SLC12A2: variants seen among roughly 807,000 people sequenced by gnomAD.
The protein encoded by SLC12A2 is solute carrier family 12 member 2, also known as Na-K-2Cl cotransporter 1.
SLC12A2 carries 67 observed loss-of-function variants against 136.3 expected under a neutral mutation model. The observed-to-expected ratio is 0.49, with a 90% CI of 0.40 to 0.60. The LOEUF (loss-of-function observed/expected upper bound fraction) is 0.60. Among genes scored for constraint, SLC12A2 ranks in the 20% least tolerant of loss-of-function variants. The probability of loss-of-function intolerance (pLI) is 0.00; values close to 1 mark genes in which losing one functional copy is unlikely to be tolerated. For missense variants in SLC12A2, 1,322 were observed against 1,534.7 expected (o/e 0.86, Z 2.32); for synonymous variants, 619 against 562.9 (o/e 1.10, Z -1.41).
At chr5:128,100,387 A>T (rs1273262582) in intron 1 of SLC12A2, among the ~76,000 whole-genome samples, 4 of 152,164 alleles carry the variant, frequency 2.6e-5, no homozygotes, top group Non-Finnish European at 4.4e-5. Context: ...CCAAAATCTA[A>T]AACTTTTTGA....
At chr5:128,122,791 A>G (rs1761638446) in intron 4 of SLC12A2, among the ~76,000 whole-genome samples, 1 of 152,100 alleles carries the variant, frequency 6.6e-6, no homozygotes, top group Non-Finnish European at 1.5e-5. Context: ...CCATTGTGTA[A>G]CTATTAGTTC....
At chr5:128,128,806 A>T (rs1245118477) in intron 4 of SLC12A2, among the ~76,000 whole-genome samples, 1 of 97,534 alleles carries the variant, frequency 1.0e-5, no homozygotes, top group African/African-American at 6.4e-5. Flanking sequence ...GTAGATCTTT[A>T]AAAAAAAAAA....
At chr5:128,145,737 T>A (rs150157474) in intron 10 of SLC12A2, among the ~76,000 whole-genome samples, 1 of 152,020 alleles carries the variant, frequency 6.6e-6, no homozygotes, top group African/African-American at 2.4e-5. Flanking sequence ...ACTTATGCAT[T>A]GTGGACAGGG....
At chr5:128,136,880 A>G (rs1762208346) in intron 7 of SLC12A2, among the ~76,000 whole-genome samples, 1 of 152,152 alleles carries the variant, frequency 6.6e-6, no homozygotes, top group South Asian at 2.1e-4. Flanking sequence ...AAACATAAAT[A>G]TATATCCAAC....
chr5:128,120,155 T>C (rs375669328), intron 4 of SLC12A2, among the ~76,000 whole-genome samples: 2 of 151,930 alleles, frequency 1.3e-5, no homozygotes, highest in Non-Finnish European at 2.9e-5. Flanking sequence ...AAAACCACAA[T>C]GAGATACCAT....
At chr5:128,128,825 T>C (rs1290827623) in intron 4 of SLC12A2, among the ~76,000 whole-genome samples, 1 of 150,272 alleles carries the variant, frequency 6.7e-6, no homozygotes, top group Non-Finnish European at 1.5e-5. Context: ...AAAAAACCTC[T>C]AGGAAATAGG....
intron 13 of SLC12A2, among the ~76,000 whole-genome samples, chr5:128,150,847 A>T (rs187365675): frequency 2.6e-5 from 4 of 152,024 alleles, no homozygotes; most frequent in Admixed American, 6.5e-5. Flanking sequence ...TATTCATTAG[A>T]CTATGGATAT....
Position 128,112,801 on chromosome 5 carries a change from T to G in SLC12A2, c.757-13T>G. Reference sequence around the variant, plus strand: ...AAATGTTAAGCATAATTCATATTTCTTTTTATAACCAGGAACCTTTTGAGG... The same window carrying G: ...AAATGTTAAGCATAATTCATATTTCGTTTTATAACCAGGAACCTTTTGAGG... On this transcript the variant is annotated splice_polypyrimidine_tract_variant and intron_variant, in intron 1 of 26. Coordinates refer to ENST00000262461, the MANE Select transcript of SLC12A2 (RefSeq NM_001046.3). 6.3e-7 allele frequency: 1 copy of G among 1,586,146 alleles called. No homozygotes were observed.
intron 18 of SLC12A2, among the ~76,000 whole-genome samples, chr5:128,171,466 G>A (rs928355122): frequency 6.6e-6 from 1 of 152,130 alleles, no homozygotes; most frequent in Admixed American, 6.5e-5. Context: ...TAGTTTTCAA[G>A]GGTATTACAG....
chr5:128,084,025 C>A lies in SLC12A2; in HGVS notation c.71C>A (p.Ala24Asp). 7.9e-7 allele frequency: 1 copy of A among 1,262,958 alleles called. No homozygotes were observed. Among genetic ancestry groups the A allele is most frequent in the Non-Finnish European group, 9.9e-7 (1 of 1,006,606 alleles). 78.2% of individuals were successfully genotyped at this position (1,262,958 alleles called of 1,614,324 possible). A position where few individuals can be genotyped will look rare whatever the true frequency, so the allele number is the denominator to read the frequency against. ...GCCGGGGTCGGGGAGACGCCGTCAG[C>A]CGCTGCGCTGGCCGCAGCCAGGGTG... The part of the protein sequence containing the change: ...GLAGVGETPS[A>D]AALAAARVEL... Residue 24 changes from alanine (A) to aspartate (D), a missense_variant, in exon 1 of 27, where the codon GCC (alanine) becomes GAC (aspartate). Ala to Asp is a moderately radical substitution (Grantham distance 126, BLOSUM62 -2). This residue lies in a region of SLC12A2 where 358 missense variants were observed against 299.7 expected (regional missense o/e 1.19). Coordinates refer to ENST00000262461, the MANE Select transcript of SLC12A2 (RefSeq NM_001046.3). The surrounding 1 kb of genome is among the most constrained non-coding windows in gnomAD (Gnocchi z 5.6).
intron 11 of SLC12A2, among the ~76,000 whole-genome samples, chr5:128,148,533 G>A (rs1052560327): frequency 6.6e-6 from 1 of 151,720 alleles, no homozygotes; most frequent in African/African-American, 2.4e-5. Context: ...TCAACATGGG[G>A]ATAGGGTAAG....
At chr5:128,161,016 C>G (rs1203862360) in intron 16 of SLC12A2, among the ~76,000 whole-genome samples, 1 of 152,132 alleles carries the variant, frequency 6.6e-6, no homozygotes, top group African/African-American at 2.4e-5. Flanking sequence ...TTCCCCACTA[C>G]AAAAGGTAAA....
At chr5:128,163,245 C>A (rs1316439587) in intron 17 of SLC12A2, among the ~76,000 whole-genome samples, 1 of 152,088 alleles carries the variant, frequency 6.6e-6, no homozygotes, top group Non-Finnish European at 1.5e-5. Flanking sequence ...TATGAAACTT[C>A]AGGCCGGGCA....
intron 1 of SLC12A2, among the ~76,000 whole-genome samples, chr5:128,102,824 G>A (rs963446289): frequency 6.7e-6 from 1 of 148,786 alleles, no homozygotes; most frequent in Non-Finnish European, 1.5e-5. Flanking sequence ...TTTCACCTTT[G>A]TTGCCCAAGC....
chr5:128,146,160 A>G (rs2126717393), intron 10 of SLC12A2, among the ~76,000 whole-genome samples: 1 of 152,020 alleles, frequency 6.6e-6, no homozygotes, highest in East Asian at 1.9e-4. Flanking sequence ...CAAATAAGTT[A>G]TAGACATCAT....
At chr5:128,099,316 A>C (rs1269254182) in intron 1 of SLC12A2, among the ~76,000 whole-genome samples, 4 of 152,146 alleles carry the variant, frequency 2.6e-5, no homozygotes, top group Admixed American at 2.6e-4. Context: ...CACACATAGA[A>C]ACCTAAACAG....
intron 9 of SLC12A2, among the ~76,000 whole-genome samples, chr5:128,139,229 T>G (rs138082165): frequency 2.0e-5 from 3 of 152,040 alleles, no homozygotes; most frequent in Non-Finnish European, 2.9e-5. Flanking sequence ...AGCAAATGAA[T>G]TTCACTCTTA....
At chr5:128,106,640 T>A (rs1461687675) in intron 1 of SLC12A2, among the ~76,000 whole-genome samples, 1 of 152,234 alleles carries the variant, frequency 6.6e-6, no homozygotes, top group Non-Finnish European at 1.5e-5. Context: ...ATACATTTTT[T>A]ATTTTGTGTG....
intron 15 of SLC12A2, among the ~76,000 whole-genome samples, chr5:128,157,712 G>T (rs1380023419): frequency 6.6e-6 from 1 of 152,094 alleles, no homozygotes; most frequent in East Asian, 1.9e-4. Flanking sequence ...CTCTGTGAAA[G>T]AATTATTAAC....
Sources: allele counts gnomAD v4.1 joint callset (sites outside exome capture counted in the v4.1 genomes callset), GRCh38; gene constraint gnomAD v4.1.1; regional missense constraint gnomAD v4.1.1; non-coding constraint Gnocchi (gnomAD v3.1); transcripts MANE v1.5; gene names NCBI Gene and HGNC (gene_info 2026-07-23, HGNC 2026-07-21).